ANKRD30BL: variants seen among roughly 807,000 people sequenced by gnomAD.
ANKRD30BL encodes the protein putative ankyrin repeat domain-containing protein 30B-like.
A neutral mutation model predicts 18.4 loss-of-function variants in ANKRD30BL; 20 were observed. The observed-to-expected ratio is 1.09, with a 90% CI of 0.77 to 1.58. The LOEUF (loss-of-function observed/expected upper bound fraction) is 1.58. Ranked by LOEUF, ANKRD30BL falls within the 40% of genes most tolerant of loss-of-function variation. ANKRD30BL has a pLI of 0.00. For synonymous variants in ANKRD30BL, 72 were observed against 100.9 expected, an observed-to-expected ratio of 0.71 and a Z score of 1.72; for missense variants, 224 against 268.6, an observed-to-expected ratio of 0.83 and a Z score of 1.16.
intron 1 of ANKRD30BL, among the ~76,000 whole-genome samples, chr2:132,243,167 A>G (rs538159428): frequency 1.3e-5 from 2 of 151,810 alleles, no homozygotes; most frequent in Admixed American, 1.3e-4. Context: ...CTTTTGTTGT[A>G]TCTGTAAGTG....
At chr2:132,192,332 C>G (rs1678877481) in intron 1 of ANKRD30BL, among the ~76,000 whole-genome samples, 1 of 152,142 alleles carries the variant, frequency 6.6e-6, no homozygotes, top group South Asian at 2.1e-4. Context: ...GACCTGTATT[C>G]TTGCAGGTGT....
chr2:132,191,198 T>C lies in ANKRD30BL; in HGVS notation n.442-34052A>G, dbSNP rs186078130. Among the ~76,000 whole-genome samples, 296 of 152,318 alleles carry C rather than the reference T, an allele frequency of 1.9e-3. 1 individual carries two copies. The highest frequency in any genetic ancestry group is 6.8e-3 in the African/African-American group (283 of 41,560). On this transcript the variant is annotated intron_variant and non_coding_transcript_variant, in intron 1 of 4. Transcript: ENST00000470729. ...TAATAAACTTTTATAATATACCTACTGTTGTTTCATTCTCTCAATATATTT... is the reference window on the plus strand; with the variant it reads ...TAATAAACTTTTATAATATACCTACCGTTGTTTCATTCTCTCAATATATTT...
chr2:132,154,886 C>A (rs909547543), intron 3 of ANKRD30BL, 118 bp from the exon 4 acceptor site: 10 of 514,282 alleles, frequency 1.9e-5, no homozygotes, highest in Non-Finnish European at 3.5e-5. Flanking sequence ...ATAGCAATCC[C>A]TTCTTTCTCA....
chr2:132,165,433 C>T (rs1368404849), upstream of ANKRD30BL, among the ~76,000 whole-genome samples: 1 of 151,926 alleles, frequency 6.6e-6, no homozygotes, highest in African/African-American at 2.4e-5. Context: ...GTGGCTCACA[C>T]CTGTAATCCT....
intron 1 of ANKRD30BL, among the ~76,000 whole-genome samples, chr2:132,254,784 C>T (rs1216685381): frequency 1.3e-5 from 2 of 152,206 alleles, no homozygotes; most frequent in African/African-American, 4.8e-5. Flanking sequence ...GGATGCCGAC[C>T]GCTCCAGGGT....
At chr2:132,210,303 C>G (rs1430720412) in intron 1 of ANKRD30BL, among the ~76,000 whole-genome samples, 1 of 151,926 alleles carries the variant, frequency 6.6e-6, no homozygotes, top group Non-Finnish European at 1.5e-5. Flanking sequence ...TTGAAACACT[C>G]TTTTTGTAGA....
chr2:132,161,869 A>T lies in ANKRD30BL; in HGVS notation c.-164T>A. The T allele has an allele frequency of 3.4e-6, 2 of 594,892 alleles. No homozygotes were observed. The highest frequency in any genetic ancestry group is 3.0e-6 in the Non-Finnish European group (1 of 329,468). The allele number at this position is 594,892 out of a possible 1,614,324, so 36.9% of individuals were successfully genotyped here. Reference sequence around the variant, plus strand: ...GACACTCCAACCTCTCCCGGGAGAAAATGGCTGCGCAAAACCGTTAGGCAG... The same window carrying T: ...GACACTCCAACCTCTCCCGGGAGAATATGGCTGCGCAAAACCGTTAGGCAG... On this transcript the variant is annotated 5_prime_UTR_variant, in exon 1 of 6. Transcript: ENST00000409867.
intron 1 of ANKRD30BL, among the ~76,000 whole-genome samples, chr2:132,200,093 AC>A (rs1679064816): frequency 6.6e-6 from 1 of 152,088 alleles, no homozygotes; most frequent in African/African-American, 2.4e-5. Context: ...AAATTCAACA[AC>A]CCTTCATGCT....
chr2:132,237,146 G>A (rs1680171916), intron 1 of ANKRD30BL, among the ~76,000 whole-genome samples: 1 of 150,226 alleles, frequency 6.7e-6, no homozygotes, highest in African/African-American at 2.4e-5. Context: ...GAGGGGTGAG[G>A]GATACCATTG....
intron 1 of ANKRD30BL, among the ~76,000 whole-genome samples, chr2:132,255,215 C>T (rs530703844): frequency 7.2e-5 from 11 of 152,316 alleles, no homozygotes; most frequent in Non-Finnish European, 7.3e-5. Context: ...CAAATGCTTT[C>T]GCTCTGGTCT....
intron 1 of ANKRD30BL, among the ~76,000 whole-genome samples, chr2:132,219,926 A>G (rs1199891132): frequency 6.6e-6 from 1 of 152,082 alleles, no homozygotes; most frequent in East Asian, 1.9e-4. Flanking sequence ...AAGGTTTGAA[A>G]CACTCTTTTT....
At chr2:132,152,219 T>C (rs1687776519) in intron 4 of ANKRD30BL, 1 of 152,238 alleles carries the variant, frequency 6.6e-6, no homozygotes, top group Non-Finnish European at 1.5e-5. Flanking sequence ...TAGAAAGTAG[T>C]AAAATGTCCT....
At chr2:132,154,434 A>G (rs1687846008) in intron 4 of ANKRD30BL, among the ~76,000 whole-genome samples, 4 of 152,242 alleles carry the variant, frequency 2.6e-5, no homozygotes, top group African/African-American at 9.6e-5. Context: ...CATCAGATTA[A>G]AAATAAGAAT....
At chr2:132,222,020 AGCCACCC>A (rs1679702808) in intron 1 of ANKRD30BL, among the ~76,000 whole-genome samples, 1 of 122,190 alleles carries the variant, frequency 8.2e-6, no homozygotes, top group Non-Finnish European at 1.7e-5. Flanking sequence ...CTGCCCGGCC[AGCCACCC>A]TGTCCGGGAG....
At chr2:132,214,454 T>C (rs1679437899) in intron 1 of ANKRD30BL, among the ~76,000 whole-genome samples, 1 of 151,796 alleles carries the variant, frequency 6.6e-6, no homozygotes, top group South Asian at 2.1e-4. Flanking sequence ...ATTCTGCAAG[T>C]GAACATTTGG....
At chr2:132,214,949 T>A (rs1033776832) in intron 1 of ANKRD30BL, among the ~76,000 whole-genome samples, 1 of 152,154 alleles carries the variant, frequency 6.6e-6, no homozygotes, top group African/African-American at 2.4e-5. Flanking sequence ...ATCACTCTTT[T>A]TGTAGAATCT....
intron 1 of ANKRD30BL, among the ~76,000 whole-genome samples, chr2:132,205,744 G>A (rs1023440558): frequency 2.0e-5 from 3 of 152,068 alleles, no homozygotes; most frequent in Non-Finnish European, 4.4e-5. Flanking sequence ...AAGCAATGCA[G>A]AATGTTTAGA....
intron 1 of ANKRD30BL, among the ~76,000 whole-genome samples, chr2:132,219,170 C>A (rs1376921733): frequency 6.6e-6 from 1 of 152,048 alleles, no homozygotes; most frequent in Non-Finnish European, 1.5e-5. Flanking sequence ...CAGAAGCATT[C>A]TCAGAAACTT....
intron 4 of ANKRD30BL, among the ~76,000 whole-genome samples, chr2:132,151,272 C>T (rs1230217123): frequency 6.6e-6 from 1 of 152,056 alleles, no homozygotes; most frequent in African/African-American, 2.4e-5. Flanking sequence ...GCATGGCTAC[C>T]AACAGGTATT....
Sources: allele counts gnomAD v4.1 joint callset (sites outside exome capture counted in the v4.1 genomes callset), GRCh38; gene constraint gnomAD v4.1.1; transcripts MANE v1.5; gene names NCBI Gene and HGNC (gene_info 2026-07-23, HGNC 2026-07-21).